NHEJ1: variants seen among roughly 807,000 people sequenced by gnomAD.
NHEJ1 encodes non-homologous end-joining factor 1.
In NHEJ1, 22 loss-of-function variants were observed where a neutral mutation model predicts 39.4. That is an observed-to-expected ratio of 0.56 (90% confidence interval 0.40 to 0.80). The LOEUF (loss-of-function observed/expected upper bound fraction) is 0.80. Ranked by LOEUF, NHEJ1 falls within the 30% of genes least tolerant of loss-of-function variation. The probability of loss-of-function intolerance (pLI) is 0.00; values close to 1 mark genes in which losing one functional copy is unlikely to be tolerated. For synonymous variants in NHEJ1, 154 were observed against 135.6 expected (o/e 1.14, Z -0.94); for missense variants, 329 against 357.1 (o/e 0.92, Z 0.63).
intron 4 of NHEJ1, 148 bp from the exon 5 acceptor site, chr2:219,146,886 TGA>T (rs1949746689): frequency 1.5e-6 from 1 of 674,750 alleles, no homozygotes; most frequent in African/African-American, 1.8e-5. Context: ...GAAGAAGGGC[TGA>T]GAGCATGTGG....
intron 1 of NHEJ1, among the ~76,000 whole-genome samples, chr2:219,159,587 GCATA>G (rs1949906330): frequency 1.1e-5 from 1 of 91,462 alleles, no homozygotes; most frequent in Non-Finnish European, 2.0e-5. Flanking sequence ...ATATATATAT[GCATA>G]TATATATATG....
intron 3 of NHEJ1, among the ~76,000 whole-genome samples, chr2:219,153,115 T>C (rs959892703): frequency 6.6e-6 from 1 of 152,180 alleles, no homozygotes; most frequent in African/African-American, 2.4e-5. Context: ...AGCATCTCTT[T>C]TAAAACGAAA....
chr2:219,133,562 G>A (rs544107923), intron 5 of NHEJ1, among the ~76,000 whole-genome samples: 4 of 152,332 alleles, frequency 2.6e-5, no homozygotes, highest in East Asian at 1.9e-4. Context: ...CAAGGCAAAA[G>A]TGATAAGTGA....
chr2:219,138,384 G>A (rs1340632429), intron 5 of NHEJ1, among the ~76,000 whole-genome samples: 4 of 152,234 alleles, frequency 2.6e-5, no homozygotes, highest in African/African-American at 7.2e-5. Flanking sequence ...AAGGCAGGTG[G>A]TAGAATGGGA....
chr2:219,141,025 G>T (rs1949685374), intron 5 of NHEJ1, among the ~76,000 whole-genome samples: 1 of 152,186 alleles, frequency 6.6e-6, no homozygotes, highest in South Asian at 2.1e-4. Flanking sequence ...AAATTCAACT[G>T]CAGGGGAATA....
intron 5 of NHEJ1, among the ~76,000 whole-genome samples, chr2:219,090,384 C>A (rs55841664): frequency 0.025 from 3,740 of 152,264 alleles, 160 homozygotes; most frequent in African/African-American, 0.084. Context: ...TAAATGAGAT[C>A]ATGCATGTAA....
At chr2:219,078,828 C>T (rs1451066493) in intron 5 of NHEJ1, among the ~76,000 whole-genome samples, 1 of 150,950 alleles carries the variant, frequency 6.6e-6, no homozygotes, top group Non-Finnish European at 1.5e-5. Flanking sequence ...GAAAACTGTT[C>T]TTGAGGGGTA....
chr2:219,115,157 A>AAGAAGG (rs1280390438), intron 5 of NHEJ1, among the ~76,000 whole-genome samples: 2 of 66,324 alleles, frequency 3.0e-5, no homozygotes, highest in Non-Finnish European at 5.0e-5. Context: ...TTTTAAAAAG[A>AAGAAGG]AGAAGAAGAA....
At chr2:219,082,152 C>G (rs1466516117) in intron 5 of NHEJ1, among the ~76,000 whole-genome samples, 1 of 152,220 alleles carries the variant, frequency 6.6e-6, no homozygotes, top group Non-Finnish European at 1.5e-5. Flanking sequence ...AGTACTTCCT[C>G]ATTACTTACT....
intron 3 of NHEJ1, among the ~76,000 whole-genome samples, chr2:219,152,058 C>G (rs1032614391): frequency 2.6e-5 from 4 of 152,224 alleles, no homozygotes; most frequent in Non-Finnish European, 4.4e-5. Context: ...TTTAGGATGT[C>G]AGGGACACTC....
rs1049516847 is a variant in NHEJ1 at position 219,074,154 on chromosome 2, G to C, written c.*2227C>G. On this transcript the variant is annotated 3_prime_UTR_variant, in exon 8 of 8. Transcript: ENST00000356853. ...GAGACAGCAACCTTTGGGGATGATG[G>C]GGGCAGTGGATGGAAGGTTACTAGC... is the stretch of plus-strand genomic sequence containing the variant. Among the ~76,000 whole-genome samples, 1 of 152,226 alleles carries C rather than the reference G, an allele frequency of 6.6e-6. No homozygotes were observed. Among genetic ancestry groups the C allele is most frequent in the African/African-American group, 2.4e-5 (1 of 41,456 alleles).
chr2:219,111,182 T>A lies in NHEJ1; in HGVS notation c.589-32976A>T, dbSNP rs961851297. On this transcript the variant is annotated intron_variant, in intron 5 of 7. Coordinates refer to ENST00000356853, the MANE Select transcript of NHEJ1 (RefSeq NM_024782.3). The surrounding 1 kb of genome is among the most constrained non-coding windows in gnomAD (Gnocchi z 4.1). ...TTAGAACTGGAATAGAATTTACTCG[T>A]GATACCCAGACCAATGCTCTATTAT... Among the ~76,000 whole-genome samples the A allele has an allele frequency of 6.6e-6, 1 of 152,178 alleles. No homozygotes were observed. Among genetic ancestry groups the A allele is most frequent in the African/African-American group, 2.4e-5 (1 of 41,434 alleles).
chr2:219,099,997 C>A, intron 5 of NHEJ1, among the ~76,000 whole-genome samples: 1 of 151,990 alleles, frequency 6.6e-6, no homozygotes. Flanking sequence ...AGTGGGAGGT[C>A]CACTGAGGGG....
intron 5 of NHEJ1, among the ~76,000 whole-genome samples, chr2:219,103,465 G>A (rs1431234117): frequency 6.6e-6 from 1 of 151,906 alleles, no homozygotes. Flanking sequence ...TAGTAGAGAT[G>A]AGGTTTCACC....
chr2:219,080,589 ATATATATATGCTAATATATATAAGCT>A (rs746155454), intron 5 of NHEJ1, among the ~76,000 whole-genome samples: 11,577 of 65,258 alleles, frequency 0.18, 904 homozygotes, highest in Non-Finnish European at 0.3. Context: ...ATATACGCTT[ATATATATATGCTAATATATATAAGCT>A]TATATATATG....
At chr2:219,115,609 C>T (rs111879376) in intron 5 of NHEJ1, among the ~76,000 whole-genome samples, 2 of 152,262 alleles carry the variant, frequency 1.3e-5, no homozygotes, top group Non-Finnish European at 2.9e-5. Flanking sequence ...CCTAAAGAGG[C>T]TTATAAACAC....
intron 5 of NHEJ1, among the ~76,000 whole-genome samples, chr2:219,099,069 T>C (rs1455091410): frequency 6.6e-6 from 1 of 152,096 alleles, no homozygotes; most frequent in East Asian, 1.9e-4. Flanking sequence ...TAAAGGAATG[T>C]TGAGTCAAGG....
Position 219,080,668 on chromosome 2 carries a change from T to TATATATATTCTAATATATATAAGC in NHEJ1, c.589-2463_589-2462insGCTTATATATATTAGAATATATAT, listed in dbSNP as rs1559185964. Among the ~76,000 whole-genome samples the TATATATATTCTAATATATATAAGC allele has an allele frequency of 2.4e-4, 4 of 16,340 alleles. 1 individual carries two copies. Among genetic ancestry groups the TATATATATTCTAATATATATAAGC allele is most frequent in the South Asian group, 1.4e-3 (1 of 734 alleles). 10.7% of individuals were successfully genotyped at this position (16,340 alleles called of 152,430 possible). A position where few individuals can be genotyped will look rare whatever the true frequency, so the allele number is the denominator to read the frequency against. Reference sequence around the variant, plus strand: ...ATATATATGCTAATATATATAAGCTTTTATATATGCTAATATATATGCTTA... The same window carrying TATATATATTCTAATATATATAAGC: ...ATATATATGCTAATATATATAAGCTTATATATATTCTAATATATATAAGCTTATATATGCTAATATATATGCTTA... On this transcript the variant is annotated intron_variant, in intron 5 of 7. Transcript: ENST00000356853.
chr2:219,159,566 T>A (rs1472308284), intron 1 of NHEJ1, among the ~76,000 whole-genome samples: 1 of 17,660 alleles, frequency 5.7e-5, no homozygotes, highest in Non-Finnish European at 1.3e-4. Context: ...TATATATGCA[T>A]ATATATATGC....
Sources: allele counts gnomAD v4.1 joint callset (sites outside exome capture counted in the v4.1 genomes callset), GRCh38; gene constraint gnomAD v4.1.1; non-coding constraint Gnocchi (gnomAD v3.1); transcripts MANE v1.5; gene names NCBI Gene and HGNC (gene_info 2026-07-23, HGNC 2026-07-21).